Variants in DMXL1 observed in about 807,000 individuals in gnomAD.
DMXL1 encodes Dmx like 1.
DMXL1 carries 99 observed loss-of-function variants against 319.2 expected under a neutral mutation model. The observed-to-expected ratio is 0.31, with a 90% CI of 0.26 to 0.37. The LOEUF is 0.37. Ranked by LOEUF, DMXL1 falls within the 10% of genes least tolerant of loss-of-function variation. The probability of loss-of-function intolerance (pLI) is 1.00; values close to 1 mark genes in which losing one functional copy is unlikely to be tolerated. For synonymous variants in DMXL1, 1,385 were observed against 1,235.2 expected (o/e 1.12, Z -2.54); for missense variants, 3,745 against 3,595.6 (o/e 1.04, Z -1.06).
At chr5:119,165,936 A>G (rs998893744) in intron 21 of DMXL1, among the ~76,000 whole-genome samples, 1 of 152,182 alleles carries the variant, frequency 6.6e-6, no homozygotes, top group Non-Finnish European at 1.5e-5. Context: ...TATGCTTGGG[A>G]CAGGGAAGAA....
Position 119,247,282 on chromosome 5 carries a change from C to A in DMXL1, c.*63C>A. Reference sequence around the variant, plus strand: ...GGAAGTGGCCAACAGATATAATATACAGTGATCATTCTCTATGCCACAAAT... The same window carrying A: ...GGAAGTGGCCAACAGATATAATATAAAGTGATCATTCTCTATGCCACAAAT... On this transcript the variant is annotated 3_prime_UTR_variant, in exon 44 of 44. Transcript: ENST00000539542. 1 of 1,118,886 alleles carries A rather than the reference C, an allele frequency of 8.9e-7. No homozygotes were observed. Among genetic ancestry groups the A allele is most frequent in the Non-Finnish European group, 1.3e-6 (1 of 775,620 alleles). The allele number at this position is 1,118,886 out of a possible 1,614,324, so 69.3% of individuals were successfully genotyped here.
intron 34 of DMXL1, among the ~76,000 whole-genome samples, chr5:119,214,451 A>G (rs994396590): frequency 1.3e-5 from 2 of 152,172 alleles, no homozygotes; most frequent in African/African-American, 4.8e-5. Context: ...CTGGCTTTTC[A>G]AAATCCACCA....
At chr5:119,167,541 C>G (rs1020644845) in intron 22 of DMXL1, 62 bp from the exon 23 acceptor site, 1 of 1,370,586 alleles carries the variant, frequency 7.3e-7, no homozygotes, top group Non-Finnish European at 9.9e-7. Flanking sequence ...AGTGAGTTAA[C>G]AGAATTTATC....
At chr5:119,208,684 T>C (rs1782193888) in intron 34 of DMXL1, among the ~76,000 whole-genome samples, 2 of 152,116 alleles carry the variant, frequency 1.3e-5, no homozygotes, top group South Asian at 4.1e-4. Context: ...CACTGCTATA[T>C]AGTTTAAAAA....
At chr5:119,156,457 G>A (rs1250894749) in intron 19 of DMXL1, among the ~76,000 whole-genome samples, 1 of 152,072 alleles carries the variant, frequency 6.6e-6, no homozygotes, top group Non-Finnish European at 1.5e-5. Flanking sequence ...GTATCTCCAA[G>A]GTCTGCCTAT....
chr5:119,097,061 G>T (rs2149776968), intron 1 of DMXL1, among the ~76,000 whole-genome samples: 1 of 152,350 alleles, frequency 6.6e-6, no homozygotes, highest in South Asian at 2.1e-4. Flanking sequence ...TAGCCTGAAT[G>T]CTGGAAAGCA....
Position 119,240,485 on chromosome 5 carries a change from G to A in DMXL1, c.8704+14G>A, listed in dbSNP as rs1407523975. On this transcript the variant is annotated intron_variant, in intron 42 of 43. Coordinates refer to ENST00000539542, the MANE Select transcript of DMXL1 (RefSeq NM_001290321.3). ...GTTTAGTCCATGGTAAGTTTTCAAA[G>A]CATTTTATAAATTTTGAAAGTCAGG... 2 of 1,578,976 alleles carry A rather than the reference G, an allele frequency of 1.3e-6. No homozygotes were observed. The highest frequency in any genetic ancestry group is 4.5e-5 in the East Asian group (2 of 44,574).
intron 13 of DMXL1, among the ~76,000 whole-genome samples, chr5:119,142,917 A>G (rs1767732694): frequency 2.0e-5 from 3 of 152,084 alleles, no homozygotes; most frequent in African/African-American, 7.2e-5. Flanking sequence ...TTCATAAAGC[A>G]ACTTCTTTAT....
chr5:119,222,159 T>C (rs1168819622), intron 37 of DMXL1, among the ~76,000 whole-genome samples: 1 of 152,190 alleles, frequency 6.6e-6, no homozygotes, highest in Non-Finnish European at 1.5e-5. Context: ...TTATAGTTGC[T>C]ATAACCTTAT....
intron 30 of DMXL1, among the ~76,000 whole-genome samples, chr5:119,194,313 A>G (rs1356636442): frequency 1.3e-5 from 2 of 152,336 alleles, no homozygotes; most frequent in Non-Finnish European, 2.9e-5. Flanking sequence ...GGGCTCTAAC[A>G]TAAACAAGTT....
chr5:119,178,565 T>C lies in DMXL1; in HGVS notation c.7135+321T>C, dbSNP rs182926803. The C allele has an allele frequency of 1.8e-5, 18 of 973,232 alleles. No individual in the cohort carries two copies. In the Admixed American group the frequency reaches 3.1e-4, roughly 17 times the overall value. 60.3% of individuals were successfully genotyped at this position (973,232 alleles called of 1,614,324 possible). ...TCCCAAATACGGATTCTTTCTTCTT[T>C]CTTTGGCAGGAAGGCACTTTGCTAT... On this transcript the variant is annotated intron_variant, in intron 28 of 43. Coordinates refer to ENST00000539542, the MANE Select transcript of DMXL1 (RefSeq NM_001290321.3).
At chr5:119,246,800 G>C (rs2150774957) in intron 43 of DMXL1, among the ~76,000 whole-genome samples, 195 bp from the exon 44 acceptor site, 1 of 151,640 alleles carries the variant, frequency 6.6e-6, no homozygotes, top group South Asian at 2.1e-4. Flanking sequence ...CGCCGGGCTA[G>C]TTTTGTATTT....
chr5:119,219,818 T>C (rs978623773), intron 35 of DMXL1, among the ~76,000 whole-genome samples: 4 of 152,114 alleles, frequency 2.6e-5, no homozygotes, highest in African/African-American at 9.7e-5. Context: ...TCTGCCTGCT[T>C]CAGCCTCCTA....
intron 41 of DMXL1, 127 bp downstream of exon 41, chr5:119,239,207 A>G: frequency 9.7e-7 from 1 of 1,030,362 alleles, no homozygotes; most frequent in Non-Finnish European, 1.4e-6. Flanking sequence ...TCTAAAAACT[A>G]TTATTTATTG....
intron 32 of DMXL1, among the ~76,000 whole-genome samples, chr5:119,201,072 C>T (rs754173448): frequency 2.0e-5 from 3 of 152,010 alleles, no homozygotes; most frequent in Non-Finnish European, 4.4e-5. Context: ...TTCCTCTTTC[C>T]TGCTTGCTCT....
Position 119,129,359 on chromosome 5 carries a change from T to G in DMXL1, c.1251T>G (p.Phe417Leu). 6.2e-7 allele frequency: 1 copy of G among 1,613,888 alleles called. No homozygotes were observed. The highest frequency in any genetic ancestry group is 8.5e-7 in the Non-Finnish European group (1 of 1,179,900). ...TTTTACAGCAACTTAGAAAAAGTTTTGAACAACCATCTTCTGAGGCCAGTG... is the reference window on the plus strand; with the variant it reads ...TTTTACAGCAACTTAGAAAAAGTTTGGAACAACCATCTTCTGAGGCCAGTG... Reference protein sequence around the residue: ...EVFLQQLRKSFEQPSSEASVE... With the variant: ...EVFLQQLRKSLEQPSSEASVE... The change falls in exon 10 of 44, where the codon TTT (phenylalanine) becomes TTG (leucine). Residue 417 changes from phenylalanine (F) to leucine (L), a missense_variant. Coordinates refer to ENST00000539542, the MANE Select transcript of DMXL1 (RefSeq NM_001290321.3).
intron 32 of DMXL1, among the ~76,000 whole-genome samples, chr5:119,199,740 A>G (rs1303078043): frequency 4.6e-5 from 7 of 152,096 alleles, no homozygotes; most frequent in Admixed American, 2.6e-4. Flanking sequence ...TATTTTTTAT[A>G]AATAATCTGT....
intron 8 of DMXL1, 90 bp from the exon 9 acceptor site, chr5:119,120,881 G>A: frequency 2.9e-6 from 3 of 1,048,586 alleles, no homozygotes; most frequent in South Asian, 2.4e-5. Context: ...TTCTGAGCTA[G>A]GATATATGTA....
intron 39 of DMXL1, among the ~76,000 whole-genome samples, chr5:119,236,141 A>G (rs987873106): frequency 1.3e-5 from 2 of 152,108 alleles, no homozygotes; most frequent in Non-Finnish European, 2.9e-5. Flanking sequence ...GTAGCCTTCT[A>G]CCTTCACTAA....
Sources: allele counts gnomAD v4.1 joint callset (sites outside exome capture counted in the v4.1 genomes callset), GRCh38; gene constraint gnomAD v4.1.1; transcripts MANE v1.5; gene names NCBI Gene and HGNC (gene_info 2026-07-23, HGNC 2026-07-21).